Variants in MAF observed in about 807,000 individuals in gnomAD.
The protein encoded by MAF is transcription factor Maf.
Under a neutral mutation model 22.0 loss-of-function variants are expected in MAF, and 10 were observed. The observed-to-expected ratio is 0.45, with a 90% confidence interval of 0.28 to 0.77. MAF has a LOEUF of 0.77. MAF is among the 30% of genes least tolerant of loss of function. The pLI is 0.12. For missense variants in MAF, 544 were observed against 548.4 expected, an observed-to-expected ratio of 0.99 and a Z score of 0.08; for synonymous variants, 337 against 255.8, an observed-to-expected ratio of 1.32 and a Z score of -3.03.
chr16:79,410,641 C>G, the MAF span, among the ~76,000 whole-genome samples: 1 of 152,146 alleles, frequency 6.6e-6, no homozygotes, highest in Non-Finnish European at 1.5e-5. Context: ...ACATGCATGG[C>G]TGTGACATGG....
the MAF span, among the ~76,000 whole-genome samples, chr16:79,507,576 C>T: frequency 2.0e-5 from 3 of 152,058 alleles, no homozygotes; most frequent in Non-Finnish European, 2.9e-5. Flanking sequence ...AGGCGCCCAC[C>T]ACCATGCCTG....
At chr16:79,396,597 C>T in the MAF span, among the ~76,000 whole-genome samples, 121 of 152,316 alleles carry the variant, frequency 7.9e-4, no homozygotes, top group African/African-American at 2.9e-3. Context: ...CCCATGACCT[C>T]TCTGAGGCTC....
At chr16:79,363,956 G>A in the MAF span, among the ~76,000 whole-genome samples, 3 of 152,180 alleles carry the variant, frequency 2.0e-5, no homozygotes, top group African/African-American at 7.2e-5. Context: ...CAGCCTGACT[G>A]GGACCTCTTC....
At chr16:79,447,817 C>G in the MAF span, among the ~76,000 whole-genome samples, 1 of 139,544 alleles carries the variant, frequency 7.2e-6, no homozygotes, top group African/African-American at 2.7e-5. Context: ...TCGCTTGAGC[C>G]CAGGAGGTGG....
At chr16:79,502,064 C>T in the MAF span, among the ~76,000 whole-genome samples, 76 of 152,270 alleles carry the variant, frequency 5.0e-4, no homozygotes, top group African/African-American at 1.8e-3. Context: ...GAATAATTTT[C>T]ACCACCGCTG....
the MAF span, among the ~76,000 whole-genome samples, chr16:79,303,259 GA>G: frequency 6.6e-6 from 1 of 152,158 alleles, no homozygotes; most frequent in South Asian, 2.1e-4. Flanking sequence ...GTATTAAAGG[GA>G]AAAAATCAAG....
At chr16:79,263,741 C>A in the MAF span, among the ~76,000 whole-genome samples, 2 of 152,198 alleles carry the variant, frequency 1.3e-5, no homozygotes, top group Admixed American at 6.5e-5. Context: ...CTTGGAGATT[C>A]ATGAGAGTTC....
At chr16:79,336,501 T>C in the MAF span, among the ~76,000 whole-genome samples, 1 of 152,214 alleles carries the variant, frequency 6.6e-6, no homozygotes, top group Non-Finnish European at 1.5e-5. Context: ...CTAAATAAAA[T>C]TGCCTAGAAT....
the MAF span, among the ~76,000 whole-genome samples, chr16:79,485,044 A>C: frequency 3.9e-5 from 6 of 152,208 alleles, no homozygotes; most frequent in Non-Finnish European, 8.8e-5. Context: ...TCTTGGCCTG[A>C]TTGCCTGATT....
the MAF span, among the ~76,000 whole-genome samples, chr16:79,497,773 A>G: frequency 6.6e-6 from 1 of 152,254 alleles, no homozygotes; most frequent in East Asian, 1.9e-4. Context: ...GAGACAAGGA[A>G]GGAGAAAAGA....
chr16:79,452,020 C>G, the MAF span, among the ~76,000 whole-genome samples: 2 of 152,306 alleles, frequency 1.3e-5, no homozygotes, highest in East Asian at 3.9e-4. Context: ...AATCCCATCC[C>G]TCGCCTATTT....
At chr16:79,409,769 C>G in the MAF span, among the ~76,000 whole-genome samples, 1 of 152,188 alleles carries the variant, frequency 6.6e-6, no homozygotes, top group Non-Finnish European at 1.5e-5. Context: ...CATCCCTACT[C>G]TACAGAGGCT....
chr16:79,433,301 A>G, the MAF span, among the ~76,000 whole-genome samples: 7 of 149,430 alleles, frequency 4.7e-5, no homozygotes, highest in Non-Finnish European at 1.0e-4. Context: ...TATATATAAT[A>G]CTATGACCAG....
the MAF span, among the ~76,000 whole-genome samples, chr16:79,221,281 T>C: frequency 5.3e-5 from 8 of 152,204 alleles, no homozygotes; most frequent in Non-Finnish European, 1.2e-4. Context: ...CTTCTTATTA[T>C]TGGCTGCCTT....
the MAF span, among the ~76,000 whole-genome samples, chr16:79,383,276 G>C: frequency 6.6e-6 from 1 of 152,074 alleles, no homozygotes; most frequent in African/African-American, 2.4e-5. Context: ...CATTTTAGAC[G>C]GTTGTTCAGA....
At chr16:79,473,467 T>G in the MAF span, among the ~76,000 whole-genome samples, 204 of 152,312 alleles carry the variant, frequency 1.3e-3, 2 homozygotes, top group African/African-American at 4.8e-3. Flanking sequence ...AGCAAGCGGA[T>G]GTTGCCCTTT....
chr16:79,363,592 A>G, the MAF span, among the ~76,000 whole-genome samples: 10 of 152,202 alleles, frequency 6.6e-5, no homozygotes, highest in African/African-American at 2.2e-4. Flanking sequence ...TCACCATTTT[A>G]AAGTTGAAAT....
At chr16:79,390,613 T>C in the MAF span, among the ~76,000 whole-genome samples, 1 of 152,180 alleles carries the variant, frequency 6.6e-6, no homozygotes, top group Non-Finnish European at 1.5e-5. Context: ...TGGAGGTGCA[T>C]TCAGCCCCAG....
chr16:79,346,020 C>T, the MAF span, among the ~76,000 whole-genome samples: 4 of 152,052 alleles, frequency 2.6e-5, no homozygotes, highest in Non-Finnish European at 4.4e-5. Context: ...TATGTTTCTC[C>T]GATAGGGCTC....
Sources: allele counts gnomAD v4.1 joint callset (sites outside exome capture counted in the v4.1 genomes callset), GRCh38; gene constraint gnomAD v4.1.1; transcripts MANE v1.5; gene names NCBI Gene and HGNC (gene_info 2026-07-23, HGNC 2026-07-21).